CAMK2D: variants seen among roughly 807,000 people sequenced by gnomAD.
CAMK2D encodes the protein calcium/calmodulin dependent protein kinase II delta, also known as calcium/calmodulin-dependent protein kinase type II subunit delta.
In CAMK2D, 37 loss-of-function variants were observed where a neutral mutation model predicts 84.0. The ratio of observed to expected loss-of-function variants is 0.44; its 90% CI spans 0.34 to 0.58. CAMK2D has a LOEUF of 0.58. Among genes scored for constraint, CAMK2D ranks in the 20% least tolerant of loss-of-function variants. CAMK2D has a pLI of 0.02. For missense variants in CAMK2D, 448 were observed against 652.5 expected (o/e 0.69, Z 3.41); for synonymous variants, 202 against 212.5 (o/e 0.95, Z 0.43).
At chr4:113,716,067 C>T (rs2099512431) in intron 2 of CAMK2D, among the ~76,000 whole-genome samples, 1 of 152,154 alleles carries the variant, frequency 6.6e-6, no homozygotes, top group African/African-American at 2.4e-5. Flanking sequence ...TCTACAATTG[C>T]TCCACTTCAG....
rs1589627182 is a variant in CAMK2D at position 113,457,346 on chromosome 4, T to C, written c.1524A>G (p.Thr508=). ...NVHFHRSGSP[T]VPIKPPCIPN... ...CTGGAAATATTTACTTGATGGGTACTGTTGGTGACCCCGAGCGATGAAAAT... is the reference window on the plus strand; with the variant it reads ...CTGGAAATATTTACTTGATGGGTACCGTTGGTGACCCCGAGCGATGAAAAT... The change falls in exon 19 of 21, where the codon ACA becomes ACG. Residue 508 remains threonine, a synonymous_variant. Transcript: ENST00000511664. 1 of 1,613,722 alleles carries C rather than the reference T, an allele frequency of 6.2e-7. No homozygotes were observed. The highest frequency in any genetic ancestry group is 1.1e-5 in the South Asian group (1 of 91,078).
intron 15 of CAMK2D, 51 bp downstream of exon 15, chr4:113,502,885 T>A: frequency 8.4e-7 from 1 of 1,189,450 alleles, no homozygotes; most frequent in South Asian, 1.3e-5. Flanking sequence ...GAATATTTGA[T>A]GAGATGTATA....
intron 2 of CAMK2D, among the ~76,000 whole-genome samples, chr4:113,736,837 C>T (rs940868755): frequency 4.6e-5 from 7 of 152,130 alleles, no homozygotes; most frequent in African/African-American, 1.7e-4. Context: ...CCTCGTGATT[C>T]ATTAAATCAC....
intron 2 of CAMK2D, among the ~76,000 whole-genome samples, chr4:113,663,997 A>C (rs985298738): frequency 3.3e-5 from 5 of 152,134 alleles, no homozygotes; most frequent in African/African-American, 1.2e-4. Context: ...CTAATCTAAT[A>C]TGACTGGTGT....
At chr4:113,542,663 T>C (rs1054806608) in intron 6 of CAMK2D, among the ~76,000 whole-genome samples, 15 of 150,150 alleles carry the variant, frequency 1.0e-4, no homozygotes, top group Non-Finnish European at 2.2e-4. Flanking sequence ...TGCAGTGAGC[T>C]GAGATCGCGC....
At chr4:113,636,487 C>G (rs1371458588) in intron 3 of CAMK2D, among the ~76,000 whole-genome samples, 3 of 152,220 alleles carry the variant, frequency 2.0e-5, no homozygotes, top group Non-Finnish European at 4.4e-5. Flanking sequence ...CTTGCTGAAG[C>G]CCTCCTATCC....
At chr4:113,652,435 G>A (rs2099177853) in intron 3 of CAMK2D, among the ~76,000 whole-genome samples, 1 of 151,872 alleles carries the variant, frequency 6.6e-6, no homozygotes, top group Non-Finnish European at 1.5e-5. Flanking sequence ...ACTTACCATA[G>A]GCAAGTTTAT....
intron 2 of CAMK2D, among the ~76,000 whole-genome samples, chr4:113,718,161 A>AT (rs1366223755): frequency 2.6e-5 from 4 of 152,148 alleles, no homozygotes. Context: ...AGAGCCAGCT[A>AT]TTTTTATTGT....
intron 2 of CAMK2D, among the ~76,000 whole-genome samples, chr4:113,715,772 A>C (rs187578384): frequency 6.6e-6 from 1 of 152,322 alleles, no homozygotes; most frequent in East Asian, 1.9e-4. Flanking sequence ...CGCTTGATCA[A>C]GTAATTTCTC....
At chr4:113,705,705 A>G (rs1255610424) in intron 2 of CAMK2D, among the ~76,000 whole-genome samples, 1 of 152,252 alleles carries the variant, frequency 6.6e-6, no homozygotes, top group East Asian at 1.9e-4. Flanking sequence ...TGCTTTCTCC[A>G]TAGATCTCCT....
At chr4:113,641,257 A>G (rs780493161) in intron 3 of CAMK2D, among the ~76,000 whole-genome samples, 1 of 152,224 alleles carries the variant, frequency 6.6e-6, no homozygotes, top group Non-Finnish European at 1.5e-5. Context: ...CTTTGGAATC[A>G]AACAAATGTA....
At chr4:113,494,017 T>C (rs944116917) in intron 16 of CAMK2D, among the ~76,000 whole-genome samples, 3 of 152,138 alleles carry the variant, frequency 2.0e-5, no homozygotes, top group Non-Finnish European at 4.4e-5. Context: ...CACTTCTCTG[T>C]ATTGGTTATT....
chr4:113,649,898 A>G (rs957681998), intron 3 of CAMK2D, among the ~76,000 whole-genome samples: 2 of 152,116 alleles, frequency 1.3e-5, no homozygotes, highest in Non-Finnish European at 2.9e-5. Flanking sequence ...CCTGGCCAAC[A>G]TGGCGAAACC....
intron 16 of CAMK2D, among the ~76,000 whole-genome samples, chr4:113,483,475 G>A (rs1192352848): frequency 1.3e-5 from 2 of 151,120 alleles, no homozygotes; most frequent in Non-Finnish European, 2.9e-5. Context: ...GCACAATCTC[G>A]GCTCACTTCA....
intron 3 of CAMK2D, among the ~76,000 whole-genome samples, chr4:113,611,028 A>G (rs933829970): frequency 6.9e-6 from 1 of 145,766 alleles, no homozygotes; most frequent in Non-Finnish European, 1.5e-5. Context: ...ATAGCTATAT[A>G]TATGTTATAT....
chr4:113,658,299 GAGAA>G (rs2099211332), intron 3 of CAMK2D, among the ~76,000 whole-genome samples: 1 of 152,096 alleles, frequency 6.6e-6, no homozygotes, highest in African/African-American at 2.4e-5. Flanking sequence ...AAGATAAAAT[GAGAA>G]AGAACTCATC....
chr4:113,591,268 T>C (rs927123382), intron 4 of CAMK2D, among the ~76,000 whole-genome samples: 1 of 152,302 alleles, frequency 6.6e-6, no homozygotes, highest in African/African-American at 2.4e-5. Flanking sequence ...CTGTTGTCAA[T>C]GACACAGCTA....
At chr4:113,664,894 C>T (rs373811142) in intron 2 of CAMK2D, among the ~76,000 whole-genome samples, 5 of 152,124 alleles carry the variant, frequency 3.3e-5, no homozygotes, top group Admixed American at 6.5e-5. Context: ...ACCTCCACCC[C>T]CCGGGTTCAA....
Position 113,454,451 on chromosome 4 carries a change from G to C in CAMK2D, c.*94C>G. On this transcript the variant is annotated 3_prime_UTR_variant, in exon 21 of 21. Coordinates refer to ENST00000511664, the MANE Select transcript of CAMK2D (RefSeq NM_001321571.2). ...CATGCATGAAGAGGAGGAGAGGACGGCCCAGGGTCACCATCCAGGTGCCTT... is the reference window on the plus strand; with the variant it reads ...CATGCATGAAGAGGAGGAGAGGACGCCCCAGGGTCACCATCCAGGTGCCTT... The C allele has an allele frequency of 1.3e-6, 1 of 776,722 alleles. No homozygotes were observed. Among genetic ancestry groups the C allele is most frequent in the Non-Finnish European group, 2.4e-6 (1 of 415,584 alleles). The allele number at this position is 776,722 out of a possible 1,614,324, so 48.1% of individuals were successfully genotyped here.
Sources: allele counts gnomAD v4.1 joint callset (sites outside exome capture counted in the v4.1 genomes callset), GRCh38; gene constraint gnomAD v4.1.1; transcripts MANE v1.5; gene names NCBI Gene and HGNC (gene_info 2026-07-23, HGNC 2026-07-21).